PAGE2B: variants seen among roughly 807,000 people sequenced by gnomAD.
PAGE2B encodes putative G antigen family E member 3.
In PAGE2B, 5 loss-of-function variants were observed where a neutral mutation model predicts 7.6. The observed-to-expected ratio is 0.66, with a 90% CI of 0.34 to 1.38. The LOEUF (loss-of-function observed/expected upper bound fraction) is 1.38. Ranked by LOEUF, PAGE2B falls within the 40% of genes most tolerant of loss-of-function variation. The pLI, the probability that PAGE2B is intolerant of heterozygous loss-of-function variation, is 0.04. For synonymous variants in PAGE2B, 29 were observed against 26.7 expected (o/e 1.09, Z -0.27); for missense variants, 70 against 78.4 (o/e 0.89, Z 0.41).
chrX:55,066,397 G>T, the PAGE2B span, among the ~76,000 whole-genome samples: 1 of 112,201 alleles, frequency 8.9e-6, no homozygotes, highest in Non-Finnish European at 1.9e-5. Context: ...AGCCTCAGAT[G>T]ATTTCTTATT....
upstream of PAGE2B, among the ~76,000 whole-genome samples, chrX:55,073,854 C>CTTCT (rs1936474731): frequency 1.8e-5 from 2 of 111,624 alleles, no homozygotes; most frequent in Non-Finnish European, 3.8e-5. Flanking sequence ...TGTACAGAAA[C>CTTCT]ACTCCTGGTT....
chrX:55,070,170 A>T (rs1187253193), upstream of PAGE2B, among the ~76,000 whole-genome samples: 2 of 111,348 alleles, frequency 1.8e-5, no homozygotes, highest in Non-Finnish European at 3.8e-5. Flanking sequence ...TCTTGTGGGC[A>T]ATTACTGCTA....
At chrX:55,030,568 A>G in the PAGE2B span, among the ~76,000 whole-genome samples, 1 of 111,396 alleles carries the variant, frequency 9.0e-6, no homozygotes, top group East Asian at 2.8e-4. Flanking sequence ...AGAGACAGAA[A>G]CACAGAGACG....
chrX:55,046,979 C>A, the PAGE2B span, among the ~76,000 whole-genome samples: 1 of 111,515 alleles, frequency 9.0e-6, no homozygotes, highest in African/African-American at 3.3e-5. Context: ...GCACAACGTG[C>A]AGGTTTGTTA....
chrX:55,074,468 G>A (rs916499851), upstream of PAGE2B, among the ~76,000 whole-genome samples: 1 of 112,053 alleles, frequency 8.9e-6, no homozygotes, highest in Non-Finnish European at 1.9e-5. Flanking sequence ...AATTGAGTGG[G>A]GATGTAGGTG....
chrX:55,057,635 A>C, the PAGE2B span, among the ~76,000 whole-genome samples: 1 of 111,577 alleles, frequency 9.0e-6, no homozygotes, highest in Non-Finnish European at 1.9e-5. Flanking sequence ...AAAAGGAAGC[A>C]TCAATTCACC....
intron 3 of PAGE2B, among the ~76,000 whole-genome samples, chrX:55,076,935 G>A (rs935827617): frequency 9.0e-6 from 1 of 111,461 alleles, no homozygotes; most frequent in Non-Finnish European, 1.9e-5. Context: ...TGTATGCTTT[G>A]TTCAGCCATT....
At chrX:55,052,940 C>G in the PAGE2B span, among the ~76,000 whole-genome samples, 1 of 112,804 alleles carries the variant, frequency 8.9e-6, no homozygotes, top group Non-Finnish European at 1.9e-5. Context: ...TTGGCTCCAC[C>G]ACAGTTTTCT....
the PAGE2B span, among the ~76,000 whole-genome samples, chrX:55,065,492 C>T: frequency 9.0e-6 from 1 of 111,183 alleles, no homozygotes; most frequent in African/African-American, 3.3e-5. Flanking sequence ...TTCATTCTTT[C>T]AACCACTCTG....
the PAGE2B span, among the ~76,000 whole-genome samples, chrX:55,049,817 C>T: frequency 4.5e-5 from 5 of 111,588 alleles, no homozygotes; most frequent in East Asian, 8.4e-4. Flanking sequence ...TTCAGTTCTG[C>T]TCTGATCTTA....
the PAGE2B span, chrX:55,055,018 G>A: frequency 9.1e-6 from 1 of 110,222 alleles, no homozygotes; most frequent in African/African-American, 3.3e-5. Context: ...TAAAAACTGG[G>A]GTTCTGTCGA....
the PAGE2B span, among the ~76,000 whole-genome samples, chrX:55,053,196 A>T: frequency 9.8e-4 from 110 of 112,193 alleles, 1 homozygote; most frequent in Non-Finnish European, 1.9e-3. Flanking sequence ...AGCCATAAAA[A>T]GGAATGAGAT....
intron 2 of PAGE2B, among the ~76,000 whole-genome samples, 183 bp from the exon 3 acceptor site, chrX:55,076,386 G>GTATA (rs1936516836): frequency 2.8e-5 from 3 of 105,499 alleles, no homozygotes; most frequent in African/African-American, 1.1e-4. Context: ...ATGTATGTAT[G>GTATA]TATATATGTA....
At chrX:55,032,768 T>C in the PAGE2B span, among the ~76,000 whole-genome samples, 1 of 112,018 alleles carries the variant, frequency 8.9e-6, no homozygotes, top group African/African-American at 3.2e-5. Context: ...TCAGGTGTGG[T>C]GCTAGGTAGT....
chrX:55,037,791 T>C, the PAGE2B span, among the ~76,000 whole-genome samples: 1 of 106,793 alleles, frequency 9.4e-6, no homozygotes, highest in East Asian at 3.0e-4. Flanking sequence ...CTTAGCAAAC[T>C]ATCACAAGGA....
the PAGE2B span, among the ~76,000 whole-genome samples, chrX:55,039,512 C>T: frequency 1.7e-4 from 18 of 107,808 alleles, no homozygotes; most frequent in Non-Finnish European, 1.9e-5. Context: ...AACCACAGGC[C>T]TCCAGATTGG....
intron 2 of PAGE2B, 63 bp from the exon 3 acceptor site, chrX:55,076,506 C>T: frequency 2.0e-6 from 2 of 995,865 alleles, no homozygotes; most frequent in Non-Finnish European, 1.4e-6. Context: ...TGATTCGATG[C>T]ACATATGCAT....
At chrX:55,042,586 G>A in the PAGE2B span, among the ~76,000 whole-genome samples, 2 of 95,016 alleles carry the variant, frequency 2.1e-5, no homozygotes, top group East Asian at 3.2e-4. Context: ...CCCAGGAGGC[G>A]GAGCTTGCAG....
the PAGE2B span, among the ~76,000 whole-genome samples, chrX:55,032,091 A>G: frequency 9.0e-6 from 1 of 111,633 alleles, no homozygotes; most frequent in Non-Finnish European, 1.9e-5. Context: ...ATTATGATTA[A>G]TGTTGCAATG....
Sources: gnomAD v4.1 joint callset for allele counts (sites outside exome capture counted in the v4.1 genomes callset) on GRCh38, gnomAD v4.1.1 for gene constraint, MANE v1.5 for transcripts, NCBI Gene and HGNC (gene_info 2026-07-23, HGNC 2026-07-21) for gene names.